The following PLSCR2 variants were observed in gnomAD, a reference collection of about 807,000 sequenced individuals.
PLSCR2 encodes PL scramblase 2.
Under a neutral mutation model 25.3 loss-of-function variants are expected in PLSCR2, and 18 were observed. The observed-to-expected ratio is 0.71, with a 90% CI of 0.49 to 1.06. The LOEUF is 1.06. PLSCR2 is among the 50% of genes least tolerant of loss of function. The pLI, the probability that PLSCR2 is intolerant of heterozygous loss-of-function variation, is 0.00. For synonymous variants in PLSCR2, 88 were observed against 87.3 expected, an observed-to-expected ratio of 1.01 and a Z score of -0.04; for missense variants, 243 against 269.5, an observed-to-expected ratio of 0.90 and a Z score of 0.69.
At chr3:146,441,935 T>A (rs2040265888) in intron 6 of PLSCR2, 114 bp from the exon 7 acceptor site, 2 of 632,532 alleles carry the variant, frequency 3.2e-6, no homozygotes, top group Non-Finnish European at 5.5e-6. Flanking sequence ...ATAAGAAAAA[T>A]TAACTATAAT....
At chr3:146,430,637 T>C (rs1170179487), downstream of PLSCR2, among the ~76,000 whole-genome samples, 1 of 152,194 alleles carries the variant, frequency 6.6e-6, no homozygotes, top group African/African-American at 2.4e-5. Context: ...TGTAGAGAGA[T>C]GTTAATTAAC....
At chr3:146,400,968 A>G (rs997909726) in intron 2 of PLSCR2, among the ~76,000 whole-genome samples, 4 of 151,988 alleles carry the variant, frequency 2.6e-5, no homozygotes, top group Admixed American at 6.6e-5. Context: ...GTGGGAAAAA[A>G]TGGATCTCAA....
intron 3 of PLSCR2, among the ~76,000 whole-genome samples, chr3:146,457,258 C>G (rs185975770): frequency 1.1e-4 from 16 of 152,314 alleles, no homozygotes; most frequent in Non-Finnish European, 2.2e-4. Flanking sequence ...CAGATATATT[C>G]TAAAAACCAG....
chr3:146,487,667 A>G (rs1007222656), intron 1 of PLSCR2, among the ~76,000 whole-genome samples: 1 of 152,164 alleles, frequency 6.6e-6, no homozygotes, highest in African/African-American at 2.4e-5. Context: ...CAAGGAAATA[A>G]GAGAAGACAC....
At chr3:146,403,067 TC>T (rs2038532906) in intron 2 of PLSCR2, among the ~76,000 whole-genome samples, 1 of 152,034 alleles carries the variant, frequency 6.6e-6, no homozygotes, top group African/African-American at 2.4e-5. Flanking sequence ...CCCTACCCTA[TC>T]CCCATCCTTT....
At chr3:146,432,076 A>C (rs998156399), downstream of PLSCR2, among the ~76,000 whole-genome samples, 1 of 152,160 alleles carries the variant, frequency 6.6e-6, no homozygotes, top group African/African-American at 2.4e-5. Flanking sequence ...TCTGAAATTA[A>C]AATAATTTGA....
chr3:146,423,362 A>G (rs2039228787), intron 2 of PLSCR2, among the ~76,000 whole-genome samples: 1 of 150,498 alleles, frequency 6.6e-6, no homozygotes, highest in Non-Finnish European at 1.5e-5. Flanking sequence ...AAAATTGATA[A>G]CCTTTTCTAC....
chr3:146,447,151 C>T (rs2040601257), intron 6 of PLSCR2, among the ~76,000 whole-genome samples: 1 of 152,198 alleles, frequency 6.6e-6, no homozygotes, highest in African/African-American at 2.4e-5. Context: ...CGGCCTGGAA[C>T]ATGGACTCTA....
intron 8 of PLSCR2, among the ~76,000 whole-genome samples, chr3:146,435,997 C>T (rs781650652): frequency 6.6e-6 from 1 of 152,168 alleles, no homozygotes; most frequent in African/African-American, 2.4e-5. Flanking sequence ...ATATGGCTAG[C>T]CAGTATTTCC....
intron 2 of PLSCR2, among the ~76,000 whole-genome samples, chr3:146,419,490 C>A (rs2039081140): frequency 6.6e-6 from 1 of 152,064 alleles, no homozygotes; most frequent in Admixed American, 6.6e-5. Context: ...CTTCCACGTA[C>A]CAAAACCTGT....
chr3:146,443,978 A>T (rs557118764), intron 6 of PLSCR2, among the ~76,000 whole-genome samples: 1 of 151,958 alleles, frequency 6.6e-6, no homozygotes, highest in East Asian at 1.9e-4. Flanking sequence ...CATTTGTTTC[A>T]ATTAACCTGT....
chr3:146,408,140 G>A (rs1321605110), intron 2 of PLSCR2, among the ~76,000 whole-genome samples: 2 of 152,174 alleles, frequency 1.3e-5, no homozygotes, highest in East Asian at 1.9e-4. Context: ...CAACTTATCA[G>A]CCTCTTGGAC....
At chr3:146,423,261 CTCTCTCTCTCTCTCTCTCTCT>C (rs2039216482) in intron 2 of PLSCR2, among the ~76,000 whole-genome samples, 1 of 145,542 alleles carries the variant, frequency 6.9e-6, no homozygotes, top group Non-Finnish European at 1.5e-5. Flanking sequence ...CTCTCTCTCT[CTCTCTCTCTCTCTCTCTCTCT>C]CCCTGGCTAG....
chr3:146,398,285 A>T (rs2038340406), intron 2 of PLSCR2, among the ~76,000 whole-genome samples: 1 of 151,870 alleles, frequency 6.6e-6, no homozygotes, highest in Non-Finnish European at 1.5e-5. Flanking sequence ...AATTATTTTG[A>T]GTTTCAAAGT....
intron 5 of PLSCR2, among the ~76,000 whole-genome samples, chr3:146,452,887 C>T (rs2040982003): frequency 6.6e-6 from 1 of 151,616 alleles, no homozygotes; most frequent in Admixed American, 6.6e-5. Context: ...ACTCACATAC[C>T]CACACACCCA....
chr3:146,394,097 A>G (rs1559964793), intron 3 of PLSCR2, among the ~76,000 whole-genome samples: 1 of 151,736 alleles, frequency 6.6e-6, no homozygotes, highest in Non-Finnish European at 1.5e-5. Flanking sequence ...TATTTTTTGG[A>G]GTCTTAATGT....
chr3:146,398,716 T>G (rs1253316009), intron 2 of PLSCR2: 2 of 152,240 alleles, frequency 1.3e-5, no homozygotes, highest in African/African-American at 2.4e-5. Flanking sequence ...ATAATTTTCA[T>G]TACGTCCTCC....
In PLSCR2 at chr3:146,484,968, C is replaced by T. The variant is rs191470963; in HGVS notation, c.-293+10927G>A. ...ACCTTAAACGTAAATGGGCTAAATG[C>T]CCCAATTAAAAGACACAGACTGGCA... On this transcript the variant is annotated intron_variant, in intron 1 of 8. Coordinates refer to the PLSCR2 transcript ENST00000336685. Among the ~76,000 whole-genome samples, 3 of 152,050 alleles carry T rather than the reference C, an allele frequency of 2.0e-5. No individual in the cohort carries two copies. In the East Asian group the frequency reaches 5.8e-4, roughly 29 times the overall value.
intron 2 of PLSCR2, among the ~76,000 whole-genome samples, chr3:146,402,934 T>G (rs2038528112): frequency 6.6e-6 from 1 of 152,200 alleles, no homozygotes; most frequent in Non-Finnish European, 1.5e-5. Context: ...GATTCATAAC[T>G]CATTAAAATA....
Sources: gnomAD v4.1 joint callset for allele counts (sites outside exome capture counted in the v4.1 genomes callset) on GRCh38, gnomAD v4.1.1 for gene constraint, MANE v1.5 for transcripts, NCBI Gene and HGNC (gene_info 2026-07-23, HGNC 2026-07-21) for gene names.